USP47: variants seen among roughly 807,000 people sequenced by gnomAD.
USP47 encodes ubiquitin specific peptidase 47, also known as ubiquitin carboxyl-terminal hydrolase 47.
A neutral mutation model predicts 165.1 loss-of-function variants in USP47; 35 were observed. That is an observed-to-expected ratio of 0.21 (90% CI 0.16 to 0.28). USP47 has a LOEUF of 0.28. Among genes scored for constraint, USP47 ranks in the 10% least tolerant of loss-of-function variants. The pLI, the probability that USP47 is intolerant of heterozygous loss-of-function variation, is 1.00. For missense variants in USP47, 1,277 were observed against 1,607.4 expected (o/e 0.79, Z 3.52); for synonymous variants, 531 against 544.5 (o/e 0.98, Z 0.35).
At chr11:11,869,342 A>G (rs1022771074) in intron 1 of USP47, among the ~76,000 whole-genome samples, 20 of 152,076 alleles carry the variant, frequency 1.3e-4, no homozygotes, top group African/African-American at 4.6e-4. Context: ...CTGGATGTCT[A>G]AATGAAATAT....
intron 8 of USP47, among the ~76,000 whole-genome samples, chr11:11,916,451 A>G (rs1853425724): frequency 6.6e-6 from 1 of 152,204 alleles, no homozygotes; most frequent in African/African-American, 2.4e-5. Context: ...AAACTTAAGC[A>G]AAGAAATAGA....
chr11:11,841,974 C>G lies in USP47; in HGVS notation c.-212C>G, dbSNP rs1190029776. On this transcript the variant is annotated 5_prime_UTR_variant, in exon 1 of 28. Coordinates refer to ENST00000527733, the MANE Select transcript of USP47 (RefSeq NM_001282659.2). ...AGCGGGCTGGGGGAGGGGCCGACGA[C>G]GAAGGCGGCTGTGGTAGCGGCGGCG... 5.7e-6 allele frequency: 3 copies of G among 527,534 alleles called. No homozygotes were observed. The highest frequency in any genetic ancestry group is 1.0e-5 in the Non-Finnish European group (3 of 301,376). The allele number at this position is 527,534 out of a possible 1,614,324, so 32.7% of individuals were successfully genotyped here. A position where few individuals can be genotyped will look rare whatever the true frequency, so the allele number is the denominator to read the frequency against.
chr11:11,867,225 G>A (rs1000420711), intron 1 of USP47, among the ~76,000 whole-genome samples: 4 of 152,064 alleles, frequency 2.6e-5, no homozygotes, highest in Admixed American at 6.6e-5. Flanking sequence ...ATTCTTCTCC[G>A]TTTATTTACT....
At chr11:11,855,593 A>G (rs1487280813) in intron 1 of USP47, among the ~76,000 whole-genome samples, 1 of 152,218 alleles carries the variant, frequency 6.6e-6, no homozygotes, top group Non-Finnish European at 1.5e-5. Context: ...TGTGAATCCA[A>G]TACCTGTGGT....
At chr11:11,896,473 G>A (rs1368427992) in intron 4 of USP47, among the ~76,000 whole-genome samples, 1 of 152,158 alleles carries the variant, frequency 6.6e-6, no homozygotes, top group Non-Finnish European at 1.5e-5. Flanking sequence ...TGGTCTCCTG[G>A]ACAAATTGCT....
chr11:11,859,690 C>T (rs995062617), intron 1 of USP47, among the ~76,000 whole-genome samples: 2 of 152,074 alleles, frequency 1.3e-5, no homozygotes, highest in South Asian at 2.1e-4. Flanking sequence ...ACAAGAATTG[C>T]ATGTTTCTTA....
chr11:11,854,576 AG>A (rs1410765245), intron 1 of USP47, among the ~76,000 whole-genome samples: 1 of 147,466 alleles, frequency 6.8e-6, no homozygotes, highest in Non-Finnish European at 1.5e-5. Context: ...ATCCTCCCCC[AG>A]GGGCCATCAC....
chr11:11,878,409 G>A (rs1027124088), intron 1 of USP47, among the ~76,000 whole-genome samples: 2 of 152,060 alleles, frequency 1.3e-5, no homozygotes, highest in South Asian at 2.1e-4. Flanking sequence ...AAAAGTGTAC[G>A]TTTTGTAGTT....
chr11:11,901,348 C>T (rs1442465309), intron 5 of USP47, among the ~76,000 whole-genome samples: 3 of 152,206 alleles, frequency 2.0e-5, no homozygotes, highest in Admixed American at 6.5e-5. Context: ...TTACTCCTAA[C>T]TTAAGATGTA....
chr11:11,900,604 A>C (rs1039195525), intron 5 of USP47, among the ~76,000 whole-genome samples: 1 of 152,214 alleles, frequency 6.6e-6, no homozygotes, highest in African/African-American at 2.4e-5. Flanking sequence ...AGAACCCCGG[A>C]GGAATCTGTT....
intron 1 of USP47, among the ~76,000 whole-genome samples, chr11:11,847,973 A>G (rs994394410): frequency 6.6e-6 from 1 of 152,200 alleles, no homozygotes; most frequent in Non-Finnish European, 1.5e-5. Flanking sequence ...ATTCTTCATT[A>G]TCCATTTTAC....
intron 8 of USP47, among the ~76,000 whole-genome samples, chr11:11,908,349 G>C (rs1852721415): frequency 6.6e-6 from 1 of 151,728 alleles, no homozygotes; most frequent in Non-Finnish European, 1.5e-5. Context: ...GTGTTGACCA[G>C]GCTGGTCTCA....
At chr11:11,887,822 A>G (rs1379576234) in intron 3 of USP47, among the ~76,000 whole-genome samples, 4 of 152,206 alleles carry the variant, frequency 2.6e-5, no homozygotes, top group Admixed American at 6.5e-5. Flanking sequence ...TCACATAATC[A>G]GAAGTAAAAC....
intron 1 of USP47, among the ~76,000 whole-genome samples, chr11:11,859,448 T>C (rs1305902446): frequency 6.6e-6 from 1 of 152,132 alleles, no homozygotes; most frequent in Non-Finnish European, 1.5e-5. Flanking sequence ...CTTCTTTCAT[T>C]TGTTAAATGA....
chr11:11,869,707 G>T (rs1038420224), intron 1 of USP47, among the ~76,000 whole-genome samples: 2 of 152,116 alleles, frequency 1.3e-5, no homozygotes, highest in Admixed American at 1.3e-4. Flanking sequence ...CAAAATTCAT[G>T]TGGAAATTTA....
At chr11:11,881,880 G>A (rs1850855634) in intron 2 of USP47, among the ~76,000 whole-genome samples, 1 of 152,116 alleles carries the variant, frequency 6.6e-6, no homozygotes, top group Admixed American at 6.6e-5. Flanking sequence ...ATTGCATTGG[G>A]GATTAGGTTT....
intron 15 of USP47, 125 bp from the exon 16 acceptor site, chr11:11,933,703 TAGA>T (rs1332935853): frequency 3.2e-6 from 2 of 618,478 alleles, no homozygotes; most frequent in African/African-American, 1.9e-5. Context: ...AAAGAATAGA[TAGA>T]AGAGTGATCT....
In USP47 at chr11:11,938,434, A is replaced by G. The variant is rs867127912; in HGVS notation, c.2193+62A>G. The stretch of plus-strand genomic sequence containing the variant: ...GAGCCTGCTATGTACAAGACACACT[A>G]TGTGACAGTTATGAATAAGATACAT... On this transcript the variant is annotated intron_variant, in intron 18 of 27. Coordinates refer to ENST00000527733, the MANE Select transcript of USP47 (RefSeq NM_001282659.2). 2.5e-5 allele frequency: 31 copies of G among 1,228,812 alleles called. No individual in the cohort carries two copies. In the Middle Eastern group the frequency reaches 7.2e-4, roughly 29 times the overall value. The allele number at this position is 1,228,812 out of a possible 1,614,324, so 76.1% of individuals were successfully genotyped here. A position where few individuals can be genotyped will look rare whatever the true frequency, so the allele number is the denominator to read the frequency against.
chr11:11,900,252 G>T (rs1238182959), intron 5 of USP47, among the ~76,000 whole-genome samples: 1 of 146,086 alleles, frequency 6.8e-6, no homozygotes, highest in East Asian at 2.0e-4. Context: ...TCTGCCTCCT[G>T]GGGTTCATGT....
Sources: allele counts gnomAD v4.1 joint callset (sites outside exome capture counted in the v4.1 genomes callset), GRCh38; gene constraint gnomAD v4.1.1; transcripts MANE v1.5; gene names NCBI Gene and HGNC (gene_info 2026-07-23, HGNC 2026-07-21).